CACNA2D3: variants seen among roughly 807,000 people sequenced by gnomAD.
CACNA2D3 encodes calcium voltage-gated channel auxiliary subunit alpha2delta 3.
In CACNA2D3, 60 loss-of-function variants were observed where a neutral mutation model predicts 160.6. The ratio of observed to expected loss-of-function variants is 0.37; its 90% CI spans 0.30 to 0.46. CACNA2D3 has a LOEUF of 0.46. CACNA2D3 is among the 20% of genes least tolerant of loss of function. The probability of loss-of-function intolerance (pLI) is 1.00; values close to 1 mark genes in which losing one functional copy is unlikely to be tolerated. For synonymous variants in CACNA2D3, 558 were observed against 492.9 expected (o/e 1.13, Z -1.75); for missense variants, 1,205 against 1,365.0 (o/e 0.88, Z 1.85).
At chr3:54,668,205 A>T (rs928496185) in intron 11 of CACNA2D3, among the ~76,000 whole-genome samples, 1 of 152,210 alleles carries the variant, frequency 6.6e-6, no homozygotes, top group Non-Finnish European at 1.5e-5. Flanking sequence ...GTTAGACCTA[A>T]TTTTAAAAAT....
chr3:54,580,815 T>C (rs1476764904), intron 8 of CACNA2D3, among the ~76,000 whole-genome samples: 1 of 151,764 alleles, frequency 6.6e-6, no homozygotes, highest in Non-Finnish European at 1.5e-5. Flanking sequence ...CCAGAGGAGG[T>C]GGGAGTAATC....
At chr3:54,149,784 A>T (rs1576960253) in intron 2 of CACNA2D3, among the ~76,000 whole-genome samples, 1 of 152,070 alleles carries the variant, frequency 6.6e-6, no homozygotes, top group African/African-American at 2.4e-5. Flanking sequence ...TGAGATTTAA[A>T]GAAGTTTGGT....
intron 2 of CACNA2D3, among the ~76,000 whole-genome samples, chr3:54,283,423 G>T (rs1702929034): frequency 6.6e-6 from 1 of 152,178 alleles, no homozygotes; most frequent in Non-Finnish European, 1.5e-5. Flanking sequence ...TTGCATATCT[G>T]CACTCTTTTA....
intron 4 of CACNA2D3, among the ~76,000 whole-genome samples, chr3:54,473,706 A>G (rs981356709): frequency 6.6e-6 from 1 of 152,222 alleles, no homozygotes; most frequent in Non-Finnish European, 1.5e-5. Flanking sequence ...AAACAACCCC[A>G]TTAAAAAGTG....
At chr3:54,177,468 A>G (rs939352287) in intron 2 of CACNA2D3, among the ~76,000 whole-genome samples, 1 of 152,166 alleles carries the variant, frequency 6.6e-6, no homozygotes, top group Non-Finnish European at 1.5e-5. Flanking sequence ...GGTTTTATCA[A>G]TCTCTGAAAA....
intron 27 of CACNA2D3, among the ~76,000 whole-genome samples, chr3:54,909,978 G>C (rs1014115775): frequency 1.3e-5 from 2 of 152,138 alleles, no homozygotes; most frequent in Admixed American, 6.5e-5. Flanking sequence ...AAAATGCTTT[G>C]ATCAGTGTCT....
intron 9 of CACNA2D3, 78 bp from the exon 10 acceptor site, chr3:54,627,709 C>G: frequency 1.2e-6 from 1 of 846,226 alleles, no homozygotes; most frequent in Non-Finnish European, 2.0e-6. Flanking sequence ...CTTGCCATGG[C>G]GTACATCTAA....
At chr3:54,610,200 C>T (rs1003264272) in intron 9 of CACNA2D3, among the ~76,000 whole-genome samples, 2 of 152,190 alleles carry the variant, frequency 1.3e-5, no homozygotes, top group Admixed American at 1.3e-4. Flanking sequence ...AGTAATGGCC[C>T]TATCCTAAAT....
intron 2 of CACNA2D3, among the ~76,000 whole-genome samples, chr3:54,260,379 G>A (rs542822381): frequency 4.7e-4 from 72 of 152,140 alleles, no homozygotes; most frequent in Non-Finnish European, 9.6e-4. Context: ...GGAAGTCCAG[G>A]GTCAAAGGGC....
chr3:54,910,608 A>G (rs963225470), intron 27 of CACNA2D3, among the ~76,000 whole-genome samples: 3 of 152,106 alleles, frequency 2.0e-5, no homozygotes, highest in Admixed American at 6.5e-5. Context: ...TAAATGTTGG[A>G]GGGCCCCAGG....
rs949374815 is a variant in CACNA2D3, at chr3:54,733,147, A to C, written c.1168-19452A>C. ...TTGGACGAATAGATGGGTTAACCCA[A>C]GTGTTGAACACTACTTAACTATCTC... On this transcript the variant is annotated intron_variant, in intron 11 of 37. Transcript: ENST00000474759. Among the ~76,000 whole-genome samples, 7 of 152,208 alleles carry C rather than the reference A, an allele frequency of 4.6e-5. No individual in the cohort carries two copies. In the East Asian group the frequency reaches 1.3e-3, roughly 29 times the overall value.
At chr3:54,715,917 C>T (rs1200804412) in intron 11 of CACNA2D3, among the ~76,000 whole-genome samples, 1 of 152,106 alleles carries the variant, frequency 6.6e-6, no homozygotes, top group Non-Finnish European at 1.5e-5. Flanking sequence ...GAATTGAAGT[C>T]ATGTTGATCA....
intron 5 of CACNA2D3, among the ~76,000 whole-genome samples, chr3:54,554,299 A>ATTG (rs1327951122): frequency 6.6e-6 from 1 of 152,090 alleles, no homozygotes; most frequent in African/African-American, 2.4e-5. Flanking sequence ...TTTATTTGCC[A>ATTG]TTGTTTCTCT....
At chr3:54,413,414 A>ATATATATC (rs1559474758) in intron 4 of CACNA2D3, among the ~76,000 whole-genome samples, 42 of 146,912 alleles carry the variant, frequency 2.9e-4, no homozygotes, top group African/African-American at 4.5e-4. Context: ...ATATCTATAT[A>ATATATATC]TATAGATATC....
intron 4 of CACNA2D3, among the ~76,000 whole-genome samples, chr3:54,453,922 C>T (rs1459356652): frequency 6.6e-6 from 1 of 152,182 alleles, no homozygotes; most frequent in Non-Finnish European, 1.5e-5. Flanking sequence ...CTACTGGATC[C>T]AGAGGTGCAA....
At chr3:54,458,673 G>C (rs934822315) in intron 4 of CACNA2D3, among the ~76,000 whole-genome samples, 2 of 151,926 alleles carry the variant, frequency 1.3e-5, no homozygotes, top group Non-Finnish European at 2.9e-5. Flanking sequence ...GAATCTGTTG[G>C]AGGTTTCTGA....
intron 2 of CACNA2D3, among the ~76,000 whole-genome samples, chr3:54,134,923 G>A (rs1470930107): frequency 6.6e-6 from 1 of 152,218 alleles, no homozygotes; most frequent in African/African-American, 2.4e-5. Context: ...GCGGGTGCAC[G>A]AGGAGCACCA....
At chr3:54,831,691 G>A (rs1023157445) in intron 14 of CACNA2D3, among the ~76,000 whole-genome samples, 6 of 152,194 alleles carry the variant, frequency 3.9e-5, no homozygotes, top group Non-Finnish European at 7.3e-5. Context: ...TCTTGGGAAT[G>A]TTGGTACCCT....
At chr3:54,978,544 G>A (rs908678613) in intron 29 of CACNA2D3, among the ~76,000 whole-genome samples, 1 of 152,208 alleles carries the variant, frequency 6.6e-6, no homozygotes, top group Non-Finnish European at 1.5e-5. Flanking sequence ...AAAACATTTA[G>A]TAAGCTTGTC....
Sources: allele counts gnomAD v4.1 joint callset (sites outside exome capture counted in the v4.1 genomes callset), GRCh38; gene constraint gnomAD v4.1.1; transcripts MANE v1.5; gene names NCBI Gene and HGNC (gene_info 2026-07-23, HGNC 2026-07-21).